Variants in CTIF observed in about 807,000 individuals in gnomAD.
CTIF encodes cap binding complex dependent translation initiation factor, also known as CBP80/20-dependent translation initiation factor.
CTIF carries 21 observed loss-of-function variants against 66.0 expected under a neutral mutation model. The observed-to-expected ratio is 0.32, with a 90% CI of 0.23 to 0.46. The LOEUF (loss-of-function observed/expected upper bound fraction) is 0.46, where lower values mean the gene tolerates loss of function less well. CTIF is among the 20% of genes least tolerant of loss of function. The probability of loss-of-function intolerance (pLI) is 1.00; values close to 1 mark genes in which losing one functional copy is unlikely to be tolerated. For missense variants in CTIF, 739 were observed against 812.7 expected (o/e 0.91, Z 1.10); for synonymous variants, 345 against 326.4 (o/e 1.06, Z -0.62).
chr18:48,584,377 C>G (rs1243147532), intron 1 of CTIF, among the ~76,000 whole-genome samples: 2 of 152,218 alleles, frequency 1.3e-5, no homozygotes, highest in African/African-American at 4.8e-5. Flanking sequence ...GGGACTATTA[C>G]TACTGGAGGT....
intron 7 of CTIF, among the ~76,000 whole-genome samples, chr18:48,752,814 G>T (rs1907968983): frequency 6.6e-6 from 1 of 152,206 alleles, no homozygotes; most frequent in Admixed American, 6.5e-5. Context: ...CGTTAGTATA[G>T]GTCACTGTGA....
chr18:48,626,000 C>CTTTTTTTTTTTTTTTTTTTTTTT (rs74174709), intron 2 of CTIF, among the ~76,000 whole-genome samples: 8 of 109,174 alleles, frequency 7.3e-5, no homozygotes, highest in Non-Finnish European at 1.1e-4. Flanking sequence ...CTTTTTCTTT[C>CTTTTTTTTTTTTTTTTTTTTTTT]TTTTTTTTTT....
chr18:48,620,290 T>C (rs543785517), intron 2 of CTIF, among the ~76,000 whole-genome samples: 20 of 152,340 alleles, frequency 1.3e-4, no homozygotes, highest in Non-Finnish European at 2.4e-4. Flanking sequence ...TGTTTGGTCC[T>C]GCACCCTCCT....
intron 7 of CTIF, among the ~76,000 whole-genome samples, chr18:48,742,955 G>A (rs2092567314): frequency 1.3e-5 from 2 of 152,208 alleles, no homozygotes; most frequent in South Asian, 2.1e-4. Flanking sequence ...AGCCCAGAGA[G>A]CCACTCTGGT....
rs528254143 is a variant in CTIF, at chr18:48,781,270, C to T, written c.1371+19581C>T. Among the ~76,000 whole-genome samples the T allele has an allele frequency of 7.2e-5, 11 of 152,288 alleles. No individual in the cohort carries two copies. In the South Asian group the frequency reaches 1.2e-3, roughly 17 times the overall value. On this transcript the variant is annotated intron_variant, in intron 9 of 11. Coordinates refer to ENST00000256413, the MANE Select transcript of CTIF (RefSeq NM_014772.3). ...CAAAGCCGTGCGCCGCAGCGGGGGC[C>T]GGGCCTGCAGAAGGGACATTTCCAG...
chr18:48,599,511 T>C (rs1276569638), intron 1 of CTIF, among the ~76,000 whole-genome samples: 5 of 152,208 alleles, frequency 3.3e-5, no homozygotes, highest in Admixed American at 1.3e-4. Context: ...TCAGGGTCTA[T>C]TAAAAATTGT....
At chr18:48,765,115 G>A (rs1909397041) in intron 9 of CTIF, among the ~76,000 whole-genome samples, 1 of 152,210 alleles carries the variant, frequency 6.6e-6, no homozygotes, top group South Asian at 2.1e-4. Context: ...AAAGCGATGG[G>A]CTGGGCTCAG....
chr18:48,806,857 TAGC>T (rs2068158321), intron 9 of CTIF, among the ~76,000 whole-genome samples: 1 of 152,156 alleles, frequency 6.6e-6, no homozygotes, highest in African/African-American at 2.4e-5. Context: ...GTGCAGGAAA[TAGC>T]AGTACGTCAA....
intron 1 of CTIF, among the ~76,000 whole-genome samples, chr18:48,612,090 G>A (rs976359867): frequency 1.3e-5 from 2 of 152,194 alleles, no homozygotes; most frequent in Non-Finnish European, 2.9e-5. Flanking sequence ...TGGGGACCTG[G>A]GGCTCCTGCA....
chr18:48,656,996 G>A (rs748111930), intron 3 of CTIF, among the ~76,000 whole-genome samples: 6 of 152,198 alleles, frequency 3.9e-5, no homozygotes, highest in South Asian at 2.1e-4. Flanking sequence ...ATGACTCTGG[G>A]TCCCAAGGCT....
At chr18:48,548,202 C>T (rs2088800436) in intron 1 of CTIF, among the ~76,000 whole-genome samples, 1 of 152,192 alleles carries the variant, frequency 6.6e-6, no homozygotes, top group African/African-American at 2.4e-5. Flanking sequence ...GGAGCTGACA[C>T]ATTCCCCATG....
intron 9 of CTIF, among the ~76,000 whole-genome samples, chr18:48,772,013 G>A (rs1046793559): frequency 3.9e-5 from 6 of 152,250 alleles, no homozygotes; most frequent in African/African-American, 9.6e-5. Context: ...TGGCTCCCCA[G>A]GGAGGCTCCC....
chr18:48,591,401 C>T (rs957155205), intron 1 of CTIF, among the ~76,000 whole-genome samples: 4 of 152,198 alleles, frequency 2.6e-5, no homozygotes, highest in African/African-American at 9.7e-5. Flanking sequence ...ACAGACTCAG[C>T]ATCAAGAAAA....
chr18:48,629,941 T>C (rs553189305), intron 2 of CTIF, among the ~76,000 whole-genome samples: 1 of 152,354 alleles, frequency 6.6e-6, no homozygotes, highest in Non-Finnish European at 1.5e-5. Context: ...TGATTAATTC[T>C]TTGCTACACA....
chr18:48,768,649 C>T (rs1368905221), intron 9 of CTIF, among the ~76,000 whole-genome samples: 1 of 152,168 alleles, frequency 6.6e-6, no homozygotes, highest in African/African-American at 2.4e-5. Context: ...ATGGCTCATG[C>T]CTGTAATCCC....
intron 1 of CTIF, among the ~76,000 whole-genome samples, chr18:48,579,879 TA>T (rs1956720080): frequency 6.6e-6 from 1 of 152,244 alleles, no homozygotes. Context: ...AAATCAGGTG[TA>T]AACTTTCCTA....
At chr18:48,788,342 C>T (rs535037231) in intron 9 of CTIF, among the ~76,000 whole-genome samples, 108 of 152,296 alleles carry the variant, frequency 7.1e-4, no homozygotes, top group African/African-American at 2.6e-3. Flanking sequence ...GAGGGGCAGA[C>T]ACCAACATTT....
At chr18:48,720,692 C>G (rs990279617) in intron 7 of CTIF, among the ~76,000 whole-genome samples, 5 of 152,182 alleles carry the variant, frequency 3.3e-5, no homozygotes, top group African/African-American at 1.2e-4. Context: ...TTCTTCAAGC[C>G]AGATGTCCAG....
At chr18:48,684,591 C>T (rs909165187) in intron 6 of CTIF, among the ~76,000 whole-genome samples, 2 of 151,918 alleles carry the variant, frequency 1.3e-5, no homozygotes, top group African/African-American at 2.4e-5. Flanking sequence ...ATAGGTATAC[C>T]GAATTTTACT....
Sources: allele counts gnomAD v4.1 joint callset (sites outside exome capture counted in the v4.1 genomes callset), GRCh38; gene constraint gnomAD v4.1.1; transcripts MANE v1.5; gene names NCBI Gene and HGNC (gene_info 2026-07-23, HGNC 2026-07-21).